KIF26A: variants seen among roughly 807,000 people sequenced by gnomAD.
KIF26A encodes the protein kinesin family member 26A.
KIF26A carries 74 observed loss-of-function variants against 126.0 expected under a neutral mutation model. That is an observed-to-expected ratio of 0.59 (90% CI 0.49 to 0.71). The LOEUF (loss-of-function observed/expected upper bound fraction) is 0.71, where lower values mean the gene tolerates loss of function less well. Ranked by LOEUF, KIF26A falls within the 30% of genes least tolerant of loss-of-function variation. The probability of loss-of-function intolerance (pLI) is 0.00; values close to 1 mark genes in which losing one functional copy is unlikely to be tolerated. For missense variants in KIF26A, 2,984 were observed against 2,763.3 expected, an observed-to-expected ratio of 1.08 and a Z score of -1.79; for synonymous variants, 1,445 against 1,232.7, an observed-to-expected ratio of 1.17 and a Z score of -3.61.
Position 104,179,922 on chromosome 14 carries a change from A to G in KIF26A, c.*132A>G. 2 of 952,302 alleles carry G rather than the reference A, an allele frequency of 2.1e-6. No individual in the cohort carries two copies. Among genetic ancestry groups the G allele is most frequent in the Admixed American group, 3.2e-5 (1 of 30,848 alleles). The allele number at this position is 952,302 out of a possible 1,614,324, so 59.0% of individuals were successfully genotyped here. A position where few individuals can be genotyped will look rare whatever the true frequency, so the allele number is the denominator to read the frequency against. ...TCTGTGCAGGACGGGAGTCTCAGAG[A>G]GGAGACGGAGTGTGGGGGAGGGAGG... On this transcript the variant is annotated 3_prime_UTR_variant, in exon 15 of 15. Transcript: ENST00000423312.
In KIF26A at chr14:104,171,769, C is replaced by G. The variant is rs866780027; in HGVS notation, c.1160C>G (p.Ser387Trp). Residue 387 changes from serine (S) to tryptophan (W), a missense_variant, in exon 6 of 15, where the codon TCG becomes TGG. By Grantham distance (177) the Ser-to-Trp change is radical. Transcript: ENST00000423312. ...TGGCCCGCACAGGGGGCCCAGCGCT[C>G]GGCCGAGGCCATGTCCTTCCTGAAG... is the stretch of plus-strand genomic sequence containing the variant. ...RIWPAQGAQRSAEAMSFLKVD... is the reference protein window; with the variant it reads ...RIWPAQGAQRWAEAMSFLKVD... 8.2e-6 allele frequency: 13 copies of G among 1,580,268 alleles called. No individual in the cohort carries two copies. The highest frequency in any genetic ancestry group is 1.3e-5 in the African/African-American group (1 of 74,164).
intron 10 of KIF26A, 25 bp from the exon 11 acceptor site, chr14:104,174,123 G>A: frequency 6.5e-7 from 1 of 1,527,506 alleles, no homozygotes. Context: ...CAAGGCCTTG[G>A]CATCTGAACC....
chr14:104,139,773 C>T (rs2037620170), intron 2 of KIF26A, among the ~76,000 whole-genome samples: 1 of 152,208 alleles, frequency 6.6e-6, no homozygotes, highest in Non-Finnish European at 1.5e-5. Flanking sequence ...TGGGGGGTCC[C>T]TGCCTACTCC....
chr14:104,158,008 G>A (rs2037798871), intron 4 of KIF26A, 66 bp downstream of exon 4: 3 of 1,397,906 alleles, frequency 2.1e-6, no homozygotes. Context: ...GTGGGCCCCT[G>A]GGGACCTATG....
At chr14:104,164,707 G>A (rs1452872815) in intron 4 of KIF26A, among the ~76,000 whole-genome samples, 1 of 148,138 alleles carries the variant, frequency 6.8e-6, no homozygotes, top group Non-Finnish European at 1.5e-5. Flanking sequence ...GTGTGTGTAT[G>A]TGTGTGAGTG....
intron 13 of KIF26A, 89 bp downstream of exon 13, chr14:104,178,844 C>T: frequency 2.7e-6 from 2 of 753,750 alleles, no homozygotes; most frequent in South Asian, 1.9e-5. Context: ...GCTCGCCAGG[C>T]CTCTGGGGGT....
Position 104,151,865 on chromosome 14 carries a change from A to G in KIF26A, c.289-150A>G. 1.5e-6 allele frequency: 1 copy of G among 659,544 alleles called. No homozygotes were observed. The highest frequency in any genetic ancestry group is 2.7e-6 in the Non-Finnish European group (1 of 373,514). 40.9% of individuals were successfully genotyped at this position (659,544 alleles called of 1,614,324 possible). A position where few individuals can be genotyped will look rare whatever the true frequency, so the allele number is the denominator to read the frequency against. On this transcript the variant is annotated intron_variant, in intron 2 of 14. Coordinates refer to ENST00000423312, the MANE Select transcript of KIF26A (RefSeq NM_015656.2). The surrounding 1 kb of genome is among the most constrained non-coding windows in gnomAD (Gnocchi z 4.9). ...TTTTCCTGCTGGGCTTGTGTGGGTG[A>G]AAGTGTTTGGGCTTATTAATCTGTT... is the stretch of plus-strand genomic sequence containing the variant.
chr14:104,162,638 C>T (rs753016841), intron 4 of KIF26A, among the ~76,000 whole-genome samples: 162 of 152,260 alleles, frequency 1.1e-3, no homozygotes, highest in Non-Finnish European at 2.1e-3. Flanking sequence ...CCTTGGGTTG[C>T]AGCTGGTACC....
intron 2 of KIF26A, among the ~76,000 whole-genome samples, chr14:104,143,634 G>A (rs568518050): frequency 6.6e-6 from 1 of 152,360 alleles, no homozygotes; most frequent in East Asian, 1.9e-4. Flanking sequence ...GGTCCTGGGA[G>A]GGTAGGAGCT....
intron 4 of KIF26A, among the ~76,000 whole-genome samples, chr14:104,164,739 G>T (rs2037865884): frequency 6.7e-6 from 1 of 150,168 alleles, no homozygotes; most frequent in Non-Finnish European, 1.5e-5. Context: ...CTGTGTGTGT[G>T]CGCGTGTCTG....
At chr14:104,141,645 C>T (rs1214766973) in intron 2 of KIF26A, among the ~76,000 whole-genome samples, 2 of 149,202 alleles carry the variant, frequency 1.3e-5, no homozygotes, top group African/African-American at 2.5e-5. Context: ...TAGAGGGAGG[C>T]GTAGAGGGTC....
chr14:104,177,090 A>C lies in KIF26A; in HGVS notation c.4302A>C (p.Gly1434=), dbSNP rs750646657. 38 of 1,596,668 alleles carry C rather than the reference A, an allele frequency of 2.4e-5. 1 individual carries two copies. The highest frequency in any genetic ancestry group is 3.2e-5 in the Non-Finnish European group (38 of 1,179,094). ...SKVEAAHRLA[G]HASLERYEGL... is the part of the protein sequence containing the mutation. ...TAGAAGCAGCACACCGTCTTGCCGG[A>C]CACGCGTCTCTGGAGCGGTACGAAG... The change falls in exon 12 of 15, where the codon GGA becomes GGC. Residue 1434 remains glycine, a synonymous_variant. Transcript: ENST00000423312.
At position 104,177,271 on chromosome 14, in the gene KIF26A, G is replaced by GC. The variant is rs762236726; in HGVS notation, c.4483_4484insC (p.Val1495AlafsTer75). The GC allele has an allele frequency of 7.3e-5, 117 of 1,593,490 alleles. No individual in the cohort carries two copies. In the African/African-American group the frequency reaches 1.2e-3, roughly 16 times the overall value. On this transcript the variant is annotated frameshift_variant, in exon 12 of 15. Transcript: ENST00000423312. LOFTEE classifies it high-confidence loss of function. The stretch of plus-strand genomic sequence containing the variant: ...GGCTGTGGGGGCCCCCAAGCCCCCT[G>GC]TTGGTGGAGGCAAGGGCCGTGGCCT...
chr14:104,155,944 T>TG (rs2037772769), intron 3 of KIF26A, among the ~76,000 whole-genome samples: 1 of 152,132 alleles, frequency 6.6e-6, no homozygotes, highest in African/African-American at 2.4e-5. Context: ...CCCTGTCCAG[T>TG]GGGGGAGGCA....
rs2037973686 is a variant in KIF26A, at chr14:104,172,856, A to C, written c.1421-121A>C. On this transcript the variant is annotated intron_variant, in intron 7 of 14. Coordinates refer to ENST00000423312, the MANE Select transcript of KIF26A (RefSeq NM_015656.2). Reference sequence around the variant, plus strand: ...TGCCGAACTGAAAGGCAGAGGGCTTAGGATGGATCCAAAGAGGCCCCTGAG... The same window carrying C: ...TGCCGAACTGAAAGGCAGAGGGCTTCGGATGGATCCAAAGAGGCCCCTGAG... 3 of 1,339,792 alleles carry C rather than the reference A, an allele frequency of 2.2e-6. No homozygotes were observed. The East Asian group carries it at 7.6e-5, about 34-fold the overall frequency. The allele number at this position is 1,339,792 out of a possible 1,614,324, so 83.0% of individuals were successfully genotyped here. A position where few individuals can be genotyped will look rare whatever the true frequency, so the allele number is the denominator to read the frequency against.
Position 104,173,505 on chromosome 14 carries a change from G to A in KIF26A, c.1859G>A (p.Arg620Gln), listed in dbSNP as rs867123485. ...CAGTACCGCATGGAGAAGTGCGGCC[G>A]GGGAGGAAGTAGGTGCCACACCCGC... The part of the protein sequence containing the change: ...VYQYRMEKCG[R>Q]GGMSGGRSRL... The change falls in exon 9 of 15, where the codon CGG (arginine) becomes CAG (glutamine). Residue 620 changes from arginine to glutamine, a missense_variant. By Grantham distance (43) the Arg-to-Gln change is conservative. Transcript: ENST00000423312. 9 of 1,560,440 alleles carry A rather than the reference G, an allele frequency of 5.8e-6. No individual in the cohort carries two copies. The highest frequency in any genetic ancestry group is 1.8e-5 in the Admixed American group (1 of 54,618).
rs3742946 is a variant in KIF26A at position 104,176,107 on chromosome 14, G to T, written c.3319G>T (p.Gly1107Cys). ...GGCAGCCTGGGCCGGCAGCAGTCACGGCTCCTCCATCAGCTCCTGGCTCAG... is the reference window on the plus strand; with the variant it reads ...GGCAGCCTGGGCCGGCAGCAGTCACTGCTCCTCCATCAGCTCCTGGCTCAG... The part of the protein sequence containing the change: ...EGAAWAGSSH[G>C]SSISSWLSEV... Residue 1107 changes from glycine to cysteine, a missense_variant, in exon 12 of 15, where the codon GGC becomes TGC. By Grantham distance (159) the Gly-to-Cys change is radical. Transcript: ENST00000423312. The T allele has an allele frequency of 6.3e-7, 1 of 1,584,142 alleles. No individual in the cohort carries two copies. Among genetic ancestry groups the T allele is most frequent in the South Asian group, 1.1e-5 (1 of 87,218 alleles).
At position 104,151,476 on chromosome 14, in the gene KIF26A, C is replaced by G. The variant is rs2037728799; in HGVS notation, c.289-539C>G. Among the ~76,000 whole-genome samples the G allele has an allele frequency of 6.6e-6, 1 of 151,988 alleles. No homozygotes were observed. Among genetic ancestry groups the G allele is most frequent in the South Asian group, 2.1e-4 (1 of 4,828 alleles). The stretch of plus-strand genomic sequence containing the variant: ...GAGCTCATGTGCCCTCTAGGAGCGT[C>G]TCCGAGGGAGGCCTTCGCTTCTGTT... On this transcript the variant is annotated intron_variant, in intron 2 of 14. Coordinates refer to ENST00000423312, the MANE Select transcript of KIF26A (RefSeq NM_015656.2). The surrounding 1 kb of genome is among the most constrained non-coding windows in gnomAD (Gnocchi z 4.9).
At chr14:104,155,912 G>A (rs2037772501) in intron 3 of KIF26A, among the ~76,000 whole-genome samples, 1 of 152,212 alleles carries the variant, frequency 6.6e-6, no homozygotes, top group African/African-American at 2.4e-5. Flanking sequence ...TGTCCCTGCT[G>A]CAGCCCCTCC....
Sources: allele counts gnomAD v4.1 joint callset (sites outside exome capture counted in the v4.1 genomes callset), GRCh38; gene constraint gnomAD v4.1.1; non-coding constraint Gnocchi (gnomAD v3.1); transcripts MANE v1.5; gene names NCBI Gene and HGNC (gene_info 2026-07-23, HGNC 2026-07-21).